The following EPC1 variants were observed in gnomAD, a reference collection of about 807,000 sequenced individuals.
The protein encoded by EPC1 is enhancer of polycomb homolog 1.
A neutral mutation model predicts 98.4 loss-of-function variants in EPC1; 12 were observed. That is an observed-to-expected ratio of 0.12 (90% CI 0.08 to 0.20). EPC1 has a LOEUF of 0.20. Among genes scored for constraint, EPC1 ranks in the 10% least tolerant of loss-of-function variants. The pLI, the probability that EPC1 is intolerant of heterozygous loss-of-function variation, is 1.00. For missense variants in EPC1, 729 were observed against 990.5 expected (o/e 0.74, Z 3.54); for synonymous variants, 357 against 363.9 (o/e 0.98, Z 0.21).
At chr10:32,327,087 A>ACT (rs1564548890) in intron 1 of EPC1, among the ~76,000 whole-genome samples, 21 of 151,470 alleles carry the variant, frequency 1.4e-4, no homozygotes, top group East Asian at 9.7e-4. Flanking sequence ...ACACACACAC[A>ACT]CACTCACAAT....
Position 32,268,822 on chromosome 10 carries a change from G to T in EPC1, c.*241C>A. 1 of 206,690 alleles carries T rather than the reference G, an allele frequency of 4.8e-6. No homozygotes were observed. The highest frequency in any genetic ancestry group is 9.1e-6 in the Non-Finnish European group (1 of 109,860). 12.8% of individuals were successfully genotyped at this position (206,690 alleles called of 1,614,324 possible). ...TGTATTCAAGTAACATATATACAAG[G>T]GTATTACAAATATGCAGTACTGTAC... On this transcript the variant is annotated 3_prime_UTR_variant, in exon 14 of 14. Transcript: ENST00000319778.
intron 9 of EPC1, chr10:32,285,783 T>A (rs1836649780): frequency 6.6e-6 from 1 of 152,182 alleles, no homozygotes; most frequent in South Asian, 2.1e-4. Flanking sequence ...TGGCCTCTTA[T>A]GTTATTTATA....
At chr10:32,304,108 C>G (rs1370616458) in intron 2 of EPC1, among the ~76,000 whole-genome samples, 1 of 152,138 alleles carries the variant, frequency 6.6e-6, no homozygotes, top group Admixed American at 6.6e-5. Flanking sequence ...ATTATAATGT[C>G]AGGAGTCAAT....
chr10:32,343,795 G>C (rs1465964940), intron 1 of EPC1, among the ~76,000 whole-genome samples: 1 of 151,984 alleles, frequency 6.6e-6, no homozygotes, highest in Non-Finnish European at 1.5e-5. Context: ...GGTTAAATGG[G>C]AATACACGAA....
At chr10:32,329,235 GCT>G (rs1205151591) in intron 1 of EPC1, among the ~76,000 whole-genome samples, 1 of 152,128 alleles carries the variant, frequency 6.6e-6, no homozygotes, top group Admixed American at 6.5e-5. Context: ...CATTTCCAGC[GCT>G]CTCTTTCCTC....
At chr10:32,345,297 A>G (rs2133056406) in intron 1 of EPC1, 1 of 985,420 alleles carries the variant, frequency 1.0e-6, no homozygotes, top group South Asian at 4.7e-5. Context: ...TTATCTGTAA[A>G]GTTAGATTTA....
intron 1 of EPC1, among the ~76,000 whole-genome samples, chr10:32,335,064 G>T (rs747670805): frequency 7.2e-5 from 11 of 152,184 alleles, no homozygotes; most frequent in African/African-American, 1.2e-4. Flanking sequence ...AGTTCAAGCG[G>T]TCATCACTTT....
chr10:32,337,997 A>C (rs1454147982), intron 1 of EPC1, among the ~76,000 whole-genome samples: 1 of 152,270 alleles, frequency 6.6e-6, no homozygotes, highest in Admixed American at 6.5e-5. Flanking sequence ...CCCAGAGCAC[A>C]GCATTCCATG....
chr10:32,378,418 AAC>A, intron 1 of EPC1: 1 of 1,251,442 alleles, frequency 8.0e-7, no homozygotes, highest in Non-Finnish European at 1.1e-6. Flanking sequence ...TGTTAGAAGA[AAC>A]ACAATGAAAA....
chr10:32,377,424 T>C (rs565890214), intron 1 of EPC1: 15 of 152,240 alleles, frequency 9.9e-5, no homozygotes, highest in African/African-American at 3.6e-4. Flanking sequence ...ATAAGGAAAA[T>C]GCAAAATGTT....
In EPC1 at chr10:32,292,652, T is replaced by C. The variant is rs1191564598; in HGVS notation, c.667-8A>G. On this transcript the variant is annotated splice_polypyrimidine_tract_variant and splice_region_variant and intron_variant, in intron 4 of 13. Transcript: ENST00000319778. ...TTCATCATTTTTGCGATTCTGCAAATGTGAAGTTGCTTGTTTAATGTTAGT... is the reference window on the plus strand; with the variant it reads ...TTCATCATTTTTGCGATTCTGCAAACGTGAAGTTGCTTGTTTAATGTTAGT... 1.9e-6 allele frequency: 3 copies of C among 1,602,746 alleles called. No homozygotes were observed. The highest frequency in any genetic ancestry group is 2.5e-6 in the Non-Finnish European group (3 of 1,177,194).
chr10:32,344,267 T>C (rs1838593726), intron 1 of EPC1, among the ~76,000 whole-genome samples: 1 of 152,258 alleles, frequency 6.6e-6, no homozygotes, highest in Admixed American at 6.5e-5. Context: ...ACCACAGGAC[T>C]GTAAAGCAGC....
intron 6 of EPC1, among the ~76,000 whole-genome samples, chr10:32,288,875 G>A (rs1054902218): frequency 6.6e-6 from 1 of 152,032 alleles, no homozygotes; most frequent in Admixed American, 6.5e-5. Flanking sequence ...GGATCATGAG[G>A]TCAGGAGATT....
At chr10:32,283,624 T>TAA (rs1836518888) in intron 10 of EPC1, 1 of 152,212 alleles carries the variant, frequency 6.6e-6, no homozygotes, top group South Asian at 2.1e-4. Flanking sequence ...AATTTCTTAA[T>TAA]AACATGTTCT....
At chr10:32,357,504 A>C (rs1431078193) in intron 1 of EPC1, among the ~76,000 whole-genome samples, 7 of 152,230 alleles carry the variant, frequency 4.6e-5, no homozygotes, top group Admixed American at 4.6e-4. Context: ...TTTGTGGCCC[A>C]GGCTGCAGTG....
At chr10:32,377,402 T>C (rs1839892141) in intron 1 of EPC1, 1 of 152,210 alleles carries the variant, frequency 6.6e-6, no homozygotes, top group African/African-American at 2.4e-5. Flanking sequence ...CTAACACATA[T>C]AATTTTGTAA....
chr10:32,291,579 A>G, intron 5 of EPC1: 1 of 248,222 alleles, frequency 4.0e-6, no homozygotes, highest in East Asian at 7.3e-5. Flanking sequence ...CATAACTGTA[A>G]GTCTGTACCC....
intron 1 of EPC1, among the ~76,000 whole-genome samples, chr10:32,325,544 T>C (rs569934773): frequency 6.6e-6 from 1 of 152,328 alleles, no homozygotes; most frequent in South Asian, 2.1e-4. Flanking sequence ...GAGGCTAATA[T>C]AAACATCACA....
At chr10:32,341,075 T>C (rs1299876303) in intron 1 of EPC1, among the ~76,000 whole-genome samples, 1 of 152,238 alleles carries the variant, frequency 6.6e-6, no homozygotes, top group African/African-American at 2.4e-5. Flanking sequence ...TGAATTACAA[T>C]ATAAAATTCT....
Sources: gnomAD v4.1 joint callset for allele counts (sites outside exome capture counted in the v4.1 genomes callset) on GRCh38, gnomAD v4.1.1 for gene constraint, MANE v1.5 for transcripts, NCBI Gene and HGNC (gene_info 2026-07-23, HGNC 2026-07-21) for gene names.